HSF1: variants seen among roughly 807,000 people sequenced by gnomAD.
The protein encoded by HSF1 is heat shock transcription factor 1, also known as heat shock factor protein 1.
In HSF1, 32 loss-of-function variants were observed where a neutral mutation model predicts 51.7. That is an observed-to-expected ratio of 0.62 (90% CI 0.47 to 0.83). The LOEUF is 0.83. Among genes scored for constraint, HSF1 ranks in the 40% least tolerant of loss-of-function variants. The probability of loss-of-function intolerance (pLI) is 0.00; values close to 1 mark genes in which losing one functional copy is unlikely to be tolerated. For synonymous variants in HSF1, 396 were observed against 309.7 expected (o/e 1.28, Z -2.92); for missense variants, 727 against 717.0 (o/e 1.01, Z -0.16).
chr8:144,313,860 G>T lies in HSF1; in HGVS notation c.1263G>T (p.Ser421=), dbSNP rs558837909. 1 of 1,593,088 alleles carries T rather than the reference G, an allele frequency of 6.3e-7. No homozygotes were observed. Among genetic ancestry groups the T allele is most frequent in the African/African-American group, 1.5e-5 (1 of 68,702 alleles). Residue 421 remains serine (S), a synonymous_variant, in exon 11 of 13, where the codon TCG becomes TCT. Transcript: ENST00000528838. The part of the protein sequence containing the change: ...TSALLDLFSP[S]VTVPDMSLPD... ...CTCCTCCGCAGCTGTTCAGCCCCTC[G>T]GTGACCGTGCCCGACATGAGCCTGC...
At chr8:144,308,214 C>T (rs781888868) in intron 1 of HSF1, among the ~76,000 whole-genome samples, 5 of 152,208 alleles carry the variant, frequency 3.3e-5, no homozygotes, top group African/African-American at 1.2e-4. Flanking sequence ...CCTTCCCCGC[C>T]GTGTGGGCTT....
chr8:144,311,863 C>G (rs1285925132), intron 8 of HSF1, 27 bp downstream of exon 8: 3 of 1,590,804 alleles, frequency 1.9e-6, no homozygotes, highest in African/African-American at 1.3e-5. Flanking sequence ...CCCAGCCATC[C>G]TGTCCCCCAA....
chr8:144,313,894 G>A lies in HSF1; in HGVS notation c.1297G>A (p.Asp433Asn), dbSNP rs781926454. The change falls in exon 11 of 13, where the codon GAC (aspartate) becomes AAC (asparagine). Residue 433 changes from aspartate to asparagine, a missense_variant. Asp to Asn is a conservative substitution (Grantham distance 23). Transcript: ENST00000528838. Reference protein sequence around the residue: ...TVPDMSLPDLDSSLASIQELL... With the variant: ...TVPDMSLPDLNSSLASIQELL... The stretch of plus-strand genomic sequence containing the variant: ...GCCCGACATGAGCCTGCCTGACCTT[G>A]ACAGCAGCCTGGCCAGTGTGCGTAG... 2 of 1,607,828 alleles carry A rather than the reference G, an allele frequency of 1.2e-6. No individual in the cohort carries two copies. The highest frequency in any genetic ancestry group is 1.7e-6 in the Non-Finnish European group (2 of 1,178,740).
At chr8:144,312,806 A>G in intron 9 of HSF1, 1 of 1,175,858 alleles carries the variant, frequency 8.5e-7, no homozygotes, top group Non-Finnish European at 1.2e-6. Context: ...GCCGGGCATG[A>G]GCGTCGGGCC....
intron 1 of HSF1, among the ~76,000 whole-genome samples, chr8:144,306,438 C>T (rs1816237850): frequency 6.6e-6 from 1 of 152,022 alleles, no homozygotes; most frequent in African/African-American, 2.4e-5. Flanking sequence ...TCACAGCTCA[C>T]TGCAGCCTTC....
chr8:144,314,358 C>CGCG lies in HSF1; in HGVS notation c.*28_*29insGCG, dbSNP rs1554846281. ...GCCCCGGAGGAGCTGGGCCAGCCGC[C>CGCG]CACCCCCACCCCCAGTGCAGGGCTG... On this transcript the variant is annotated 3_prime_UTR_variant, in exon 13 of 13. Transcript: ENST00000528838. 6.6e-7 allele frequency: 1 copy of CGCG among 1,521,446 alleles called. No individual in the cohort carries two copies. The highest frequency in any genetic ancestry group is 8.9e-7 in the Non-Finnish European group (1 of 1,122,750). The allele number at this position is 1,521,446 out of a possible 1,614,324, so 94.2% of individuals were successfully genotyped here. A position where few individuals can be genotyped will look rare whatever the true frequency, so the allele number is the denominator to read the frequency against.
chr8:144,303,412 G>A lies in HSF1; in HGVS notation c.118-5494G>A, dbSNP rs1816022968. Among the ~76,000 whole-genome samples the A allele has an allele frequency of 2.0e-5, 3 of 151,992 alleles. 1 individual carries two copies. The South Asian group carries it at 6.4e-4, about 32-fold the overall frequency. The stretch of plus-strand genomic sequence containing the variant: ...CAAATAAAATGAGTTTCCTCAGGGA[G>A]CTTCAGAGCTCTTTCCTTATGGACG... On this transcript the variant is annotated intron_variant, in intron 1 of 12. Coordinates refer to ENST00000528838, the MANE Select transcript of HSF1 (RefSeq NM_005526.4).
At chr8:144,303,216 C>T (rs1240086098) in intron 1 of HSF1, among the ~76,000 whole-genome samples, 3 of 151,892 alleles carry the variant, frequency 2.0e-5, no homozygotes, top group African/African-American at 7.2e-5. Context: ...TTGTTGCAGG[C>T]GTGTTTGGGG....
chr8:144,302,868 A>T (rs1027632818), intron 1 of HSF1, among the ~76,000 whole-genome samples: 1 of 152,046 alleles, frequency 6.6e-6, no homozygotes, highest in Non-Finnish European at 1.5e-5. Context: ...AGATACATCA[A>T]AAAAAAGATA....
intron 1 of HSF1, among the ~76,000 whole-genome samples, chr8:144,299,367 G>A (rs907738199): frequency 6.6e-6 from 1 of 151,442 alleles, no homozygotes; most frequent in East Asian, 1.9e-4. Context: ...AGCCCGGGAG[G>A]CAGAGGTTGC....
Position 144,309,814 on chromosome 8 carries a change from A to T in HSF1, c.406A>T (p.Ser136Cys). Reference sequence around the variant, plus strand: ...TGAAGACATAAAGATCCGCCAGGACAGCGTCACCAAGCTGCTGACGGACGT... The same window carrying T: ...TGAAGACATAAAGATCCGCCAGGACTGCGTCACCAAGCTGCTGACGGACGT... ...KSEDIKIRQDSVTKLLTDVQL... is the reference protein window; with the variant it reads ...KSEDIKIRQDCVTKLLTDVQL... The change falls in exon 4 of 13, where the codon AGC (serine) becomes TGC (cysteine). Residue 136 changes from serine (S) to cysteine (C), a missense_variant. Physicochemically the swap from Ser to Cys is moderately radical, Grantham distance 112. Around this residue, in one of 2 missense-constraint regions of HSF1, gnomAD observed 257 missense variants for 318.3 expected, o/e 0.81. Transcript: ENST00000528838. 1 of 1,613,882 alleles carries T rather than the reference A, an allele frequency of 6.2e-7. No homozygotes were observed. The highest frequency in any genetic ancestry group is 8.5e-7 in the Non-Finnish European group (1 of 1,179,950).
chr8:144,295,446 C>G (rs537716140), intron 1 of HSF1, among the ~76,000 whole-genome samples: 2 of 152,382 alleles, frequency 1.3e-5, no homozygotes, highest in East Asian at 3.8e-4. Flanking sequence ...ATGACCTGTG[C>G]CAGACAAATG....
In HSF1 at chr8:144,311,547, C is replaced by G. The variant is rs910539622; in HGVS notation, c.669C>G (p.Pro223=). ...ACAGTGGCTCAGCACATTCCATGCC[C>G]AAGTATAGCCGGCAGTTCTCCCTGG... ...LNDSGSAHSM[P]KYSRQFSLEH... The change falls in exon 7 of 13, where the codon CCC becomes CCG. Residue 223 remains proline, a synonymous_variant. Coordinates refer to ENST00000528838, the MANE Select transcript of HSF1 (RefSeq NM_005526.4). The G allele has an allele frequency of 1.2e-6, 2 of 1,613,766 alleles. No individual in the cohort carries two copies. Among genetic ancestry groups the G allele is most frequent in the South Asian group, 1.1e-5 (1 of 91,090 alleles).
intron 1 of HSF1, among the ~76,000 whole-genome samples, chr8:144,302,011 C>T: frequency 6.6e-6 from 1 of 151,212 alleles, no homozygotes; most frequent in East Asian, 2.0e-4. Context: ...ACTAAAAATA[C>T]AAAAACTAGC....
At chr8:144,311,476 T>TG in intron 6 of HSF1, 29 bp from the exon 7 acceptor site, 3 of 1,612,088 alleles carry the variant, frequency 1.9e-6, no homozygotes, top group Non-Finnish European at 2.5e-6. Context: ...AGGTGGGGGG[T>TG]GGTGGCTGAC....
rs1554844749 is a variant in HSF1, at chr8:144,311,959, G to A, written c.861-4G>A. On this transcript the variant is annotated splice_region_variant and splice_polypyrimidine_tract_variant and intron_variant, in intron 8 of 12. Coordinates refer to ENST00000528838, the MANE Select transcript of HSF1 (RefSeq NM_005526.4). ...CCAGCTCACCTGGCCCCCCTCGTGT[G>A]CAGGCCCCTATCCAGCAGCCCCCTG... 6 of 1,583,418 alleles carry A rather than the reference G, an allele frequency of 3.8e-6. No individual in the cohort carries two copies. The Admixed American group carries it at 7.0e-5, about 18-fold the overall frequency.
chr8:144,308,949 A>G lies in HSF1; in HGVS notation c.161A>G (p.Lys54Arg). 2 of 1,614,174 alleles carry G rather than the reference A, an allele frequency of 1.2e-6. No homozygotes were observed. The highest frequency in any genetic ancestry group is 1.7e-6 in the Non-Finnish European group (2 of 1,179,992). ...GTGTTCGACCAGGGCCAGTTTGCCA[A>G]GGAGGTGCTGCCCAAGTACTTCAAG... The part of the protein sequence containing the change: ...FHVFDQGQFA[K>R]EVLPKYFKHN... The change falls in exon 2 of 13, where the codon AAG becomes AGG. Residue 54 changes from lysine to arginine, a missense_variant. Physicochemically the swap from Lys to Arg is conservative, Grantham distance 26. Around this residue, in one of 2 missense-constraint regions of HSF1, gnomAD observed 257 missense variants for 318.3 expected, o/e 0.81. Transcript: ENST00000528838.
At position 144,312,185 on chromosome 8, in the gene HSF1, T is replaced by TGCCCACC; in HGVS notation, c.1083_1084insGCCCACC (p.Pro362AlafsTer12). On this transcript the variant is annotated frameshift_variant, in exon 9 of 13. Coordinates refer to ENST00000528838, the MANE Select transcript of HSF1 (RefSeq NM_005526.4). LOFTEE classifies it high-confidence loss of function. The stretch of plus-strand genomic sequence containing the variant: ...GCCACACGGACACCGAGGGCCGGCC[T>TGCCCACC]CCCTCCCCCCCGCCCACCTCCACCC... 1 of 1,532,944 alleles carries TGCCCACC rather than the reference T, an allele frequency of 6.5e-7. No individual in the cohort carries two copies. Among genetic ancestry groups the TGCCCACC allele is most frequent in the Non-Finnish European group, 8.9e-7 (1 of 1,117,504 alleles). The allele number at this position is 1,532,944 out of a possible 1,614,324, so 95.0% of individuals were successfully genotyped here. A position where few individuals can be genotyped will look rare whatever the true frequency, so the allele number is the denominator to read the frequency against.
Position 144,313,835 on chromosome 8 carries a change from C to G in HSF1, c.1249-11C>G. 2 of 1,552,350 alleles carry G rather than the reference C, an allele frequency of 1.3e-6. No homozygotes were observed. Among genetic ancestry groups the G allele is most frequent in the Admixed American group, 1.8e-5 (1 of 54,064 alleles). On this transcript the variant is annotated splice_polypyrimidine_tract_variant and intron_variant, in intron 10 of 12. Transcript: ENST00000528838. Reference sequence around the variant, plus strand: ...CCGGGTGCTGTTCTGACTTCCCTCCCTCCTCCGCAGCTGTTCAGCCCCTCG... The same window carrying G: ...CCGGGTGCTGTTCTGACTTCCCTCCGTCCTCCGCAGCTGTTCAGCCCCTCG...
Sources: gnomAD v4.1 joint callset for allele counts (sites outside exome capture counted in the v4.1 genomes callset) on GRCh38, gnomAD v4.1.1 for gene constraint, gnomAD v4.1.1 regional missense constraint, MANE v1.5 for transcripts, NCBI Gene and HGNC (gene_info 2026-07-23, HGNC 2026-07-21) for gene names.